Variants in TMEM117 observed in about 807,000 individuals in gnomAD.
TMEM117 encodes transmembrane protein 117.
Under a neutral mutation model 52.4 loss-of-function variants are expected in TMEM117, and 27 were observed. The observed-to-expected ratio is 0.51, with a 90% CI of 0.38 to 0.71. The LOEUF is 0.71. Among genes scored for constraint, TMEM117 ranks in the 30% least tolerant of loss-of-function variants. The probability of loss-of-function intolerance (pLI) is 0.00; values close to 1 mark genes in which losing one functional copy is unlikely to be tolerated. For missense variants in TMEM117, 556 were observed against 630.5 expected (o/e 0.88, Z 1.26); for synonymous variants, 215 against 206.3 (o/e 1.04, Z -0.36).
rs184022699 is a variant in TMEM117 at position 44,372,188 on chromosome 12, A to G, written c.769-4407A>G. On this transcript the variant is annotated intron_variant, in intron 6 of 7. Transcript: ENST00000266534. ...CTTTGAATTACTAAACACTGATAAC[A>G]CTTCTTAAAGAACAAAATAAATGAA... is the stretch of plus-strand genomic sequence containing the variant. Among the ~76,000 whole-genome samples the G allele has an allele frequency of 4.7e-3, 709 of 152,302 alleles. 10 individuals are homozygous for G. Among genetic ancestry groups the G allele is most frequent in the South Asian group, 0.025 (122 of 4,828 alleles).
At chr12:44,154,336 G>A (rs754397537) in intron 4 of TMEM117, among the ~76,000 whole-genome samples, 7 of 152,042 alleles carry the variant, frequency 4.6e-5, no homozygotes, top group Non-Finnish European at 7.4e-5. Context: ...AGGACACCAC[G>A]TGGGCCGTGT....
intron 3 of TMEM117, among the ~76,000 whole-genome samples, chr12:44,047,927 A>G (rs1274671885): frequency 6.6e-6 from 1 of 152,148 alleles, no homozygotes; most frequent in Non-Finnish European, 1.5e-5. Context: ...TTATCTGTTC[A>G]CTGGAAGAGT....
At chr12:43,980,349 T>C (rs75662982) in intron 3 of TMEM117, among the ~76,000 whole-genome samples, 1,589 of 152,272 alleles carry the variant, frequency 0.01, 24 homozygotes, top group East Asian at 0.035. Context: ...TGCATGATAT[T>C]GTTTAAGATT....
At chr12:44,260,822 G>A (rs552543029) in intron 5 of TMEM117, among the ~76,000 whole-genome samples, 5 of 152,300 alleles carry the variant, frequency 3.3e-5, no homozygotes, top group South Asian at 4.1e-4. Flanking sequence ...GGCAGTGAGA[G>A]GAGAGGCAGA....
At chr12:43,797,775 G>A in the TMEM117 span, 5 of 1,613,472 alleles carry the variant, frequency 3.1e-6, no homozygotes, top group East Asian at 8.9e-5. Flanking sequence ...TCGAGAAATG[G>A]GAAATGCTAC....
chr12:44,331,263 T>A (rs1398093671), intron 6 of TMEM117, among the ~76,000 whole-genome samples: 1 of 151,998 alleles, frequency 6.6e-6, no homozygotes, highest in African/African-American at 2.4e-5. Context: ...TTAAACTCTT[T>A]GATCATCTAA....
intron 7 of TMEM117, among the ~76,000 whole-genome samples, chr12:44,386,465 A>G (rs543438859): frequency 2.0e-5 from 3 of 152,292 alleles, no homozygotes; most frequent in South Asian, 4.1e-4. Context: ...TATAAACTCT[A>G]TATAGCTGAA....
chr12:44,326,256 G>A (rs953633969), intron 6 of TMEM117, among the ~76,000 whole-genome samples: 9 of 152,130 alleles, frequency 5.9e-5, no homozygotes, highest in African/African-American at 1.9e-4. Flanking sequence ...GCCCAAATAT[G>A]TTATTAATGC....
At chr12:44,228,772 T>A (rs1949896599) in intron 5 of TMEM117, among the ~76,000 whole-genome samples, 1 of 152,064 alleles carries the variant, frequency 6.6e-6, no homozygotes, top group South Asian at 2.1e-4. Context: ...GGCCAGCATA[T>A]CCTATAGGAA....
chr12:44,286,341 T>C (rs1296477058), intron 5 of TMEM117, among the ~76,000 whole-genome samples: 1 of 150,970 alleles, frequency 6.6e-6, no homozygotes. Context: ...ATAATAAATA[T>C]GTTTTATTGT....
intron 3 of TMEM117, among the ~76,000 whole-genome samples, chr12:44,095,837 A>G (rs534391568): frequency 2.7e-4 from 41 of 152,258 alleles, no homozygotes; most frequent in Admixed American, 9.2e-4. Flanking sequence ...CACCACTCCT[A>G]TTCAACATAG....
chr12:44,385,741 A>T (rs1383790584), intron 7 of TMEM117, among the ~76,000 whole-genome samples: 1 of 152,192 alleles, frequency 6.6e-6, no homozygotes, highest in African/African-American at 2.4e-5. Context: ...ACAGAGGAGA[A>T]CCCAAAGCCC....
At chr12:44,160,755 T>G (rs957186071) in intron 4 of TMEM117, among the ~76,000 whole-genome samples, 21 of 152,268 alleles carry the variant, frequency 1.4e-4, no homozygotes, top group African/African-American at 5.1e-4. Context: ...TGAGCTATGG[T>G]TGGTCCACTG....
the TMEM117 span, chr12:43,806,406 C>T: frequency 2.6e-6 from 3 of 1,155,958 alleles, no homozygotes; most frequent in South Asian, 4.1e-5. Context: ...CGAGCGTCCC[C>T]GCCGCCCCGC....
intron 5 of TMEM117, among the ~76,000 whole-genome samples, chr12:44,281,118 C>A (rs964942396): frequency 6.6e-6 from 1 of 152,164 alleles, no homozygotes; most frequent in African/African-American, 2.4e-5. Context: ...TTTAAAAAAT[C>A]TTTCCCCTTA....
chr12:43,802,188 G>C, the TMEM117 span: 1 of 759,456 alleles, frequency 1.3e-6, no homozygotes, highest in Non-Finnish European at 2.0e-6. Context: ...CCCTTCTATG[G>C]GAAATAATTA....
the TMEM117 span, among the ~76,000 whole-genome samples, chr12:43,825,577 T>C: frequency 6.6e-6 from 1 of 152,204 alleles, no homozygotes. Flanking sequence ...GAATACTCCC[T>C]TTGACATAAA....
chr12:44,384,538 G>A (rs913938967), intron 7 of TMEM117, among the ~76,000 whole-genome samples: 1 of 152,090 alleles, frequency 6.6e-6, no homozygotes, highest in Non-Finnish European at 1.5e-5. Flanking sequence ...ACTGCAAGCA[G>A]TAGACAAACT....
At chr12:43,806,312 G>T in the TMEM117 span, 1 of 1,412,682 alleles carries the variant, frequency 7.1e-7, no homozygotes. Context: ...GCGGCCCCAG[G>T]AAGTGGCTGC....
Sources: gnomAD v4.1 joint callset for allele counts (sites outside exome capture counted in the v4.1 genomes callset) on GRCh38, gnomAD v4.1.1 for gene constraint, MANE v1.5 for transcripts, NCBI Gene and HGNC (gene_info 2026-07-23, HGNC 2026-07-21) for gene names.